KIAA1614: variants seen among roughly 807,000 people sequenced by gnomAD.
KIAA1614 encodes the protein KIAA1614, also known as uncharacterized protein KIAA1614.
Under a neutral mutation model 88.7 loss-of-function variants are expected in KIAA1614, and 76 were observed. The ratio of observed to expected loss-of-function variants is 0.86; its 90% confidence interval spans 0.71 to 1.04. The LOEUF (loss-of-function observed/expected upper bound fraction) is 1.04, where lower values mean the gene tolerates loss of function less well. KIAA1614 is among the 50% of genes least tolerant of loss of function. The probability of loss-of-function intolerance (pLI) is 0.00; values close to 1 mark genes in which losing one functional copy is unlikely to be tolerated. For missense variants in KIAA1614, 1,553 were observed against 1,582.5 expected, an observed-to-expected ratio of 0.98 and a Z score of 0.32; for synonymous variants, 714 against 675.5, an observed-to-expected ratio of 1.06 and a Z score of -0.88.
intron 3 of KIAA1614, 115 bp downstream of exon 3, chr1:180,918,029 C>A: frequency 1.2e-6 from 1 of 840,380 alleles, no homozygotes. Context: ...CAGACTCCTG[C>A]ACCAGCAGAC....
rs969339095 is a variant in KIAA1614, at chr1:180,947,036, T to C, written c.*1448T>C. On this transcript the variant is annotated 3_prime_UTR_variant, in exon 9 of 9. Transcript: ENST00000367588. ...TGGCAGGTGCTGGTATAGACAGGAGTGTGGGGAGGCTTTTCTGAGAAGATG... is the reference window on the plus strand; with the variant it reads ...TGGCAGGTGCTGGTATAGACAGGAGCGTGGGGAGGCTTTTCTGAGAAGATG... The C allele has an allele frequency of 1.3e-5, 2 of 150,206 alleles. No individual in the cohort carries two copies. Among genetic ancestry groups the C allele is most frequent in the Non-Finnish European group, 3.0e-5 (2 of 67,422 alleles). 9.3% of individuals were successfully genotyped at this position (150,206 alleles called of 1,614,324 possible).
At chr1:180,943,027 G>GTTTTTT (rs1261396134) in intron 7 of KIAA1614, among the ~76,000 whole-genome samples, 2 of 22,350 alleles carry the variant, frequency 8.9e-5, no homozygotes, top group Admixed American at 6.5e-4. Context: ...TAGTTTTTTG[G>GTTTTTT]GTTTTTTTTT....
chr1:180,920,240 A>G (rs1274642454), intron 3 of KIAA1614, among the ~76,000 whole-genome samples: 1 of 152,174 alleles, frequency 6.6e-6, no homozygotes, highest in Non-Finnish European at 1.5e-5. Flanking sequence ...CTCTCCCCGG[A>G]GCAGGATGGA....
intron 3 of KIAA1614, among the ~76,000 whole-genome samples, chr1:180,924,296 C>T (rs1461157736): frequency 1.3e-5 from 2 of 152,224 alleles, no homozygotes; most frequent in Admixed American, 6.5e-5. Flanking sequence ...GCCACTGGTC[C>T]CCCATCGGAG....
chr1:180,916,866 G>A lies in KIAA1614; in HGVS notation c.763G>A (p.Asp255Asn), dbSNP rs754618969. Residue 255 changes from aspartate (D) to asparagine (N), a missense_variant, in exon 2 of 9, where the codon GAT (aspartate) becomes AAT (asparagine). By Grantham distance (23) the Asp-to-Asn change is conservative. Transcript: ENST00000367588. ...TGGCGTGGTGACAGAGGCAGATCTGGATAGCACATCCCTGACCTCCGAGGA... is the reference window on the plus strand; with the variant it reads ...TGGCGTGGTGACAGAGGCAGATCTGAATAGCACATCCCTGACCTCCGAGGA... ...PDGVVTEADLDSTSLTSEEVF... is the reference protein window; with the variant it reads ...PDGVVTEADLNSTSLTSEEVF... The A allele has an allele frequency of 1.9e-6, 3 of 1,614,246 alleles. No homozygotes were observed. The South Asian group carries it at 3.3e-5, about 18-fold the overall frequency.
rs1244294419 is a variant in KIAA1614 at position 180,916,338 on chromosome 1, G to A, written c.235G>A (p.Gly79Ser). 6.2e-7 allele frequency: 1 copy of A among 1,614,124 alleles called. No homozygotes were observed. The highest frequency in any genetic ancestry group is 1.1e-5 in the South Asian group (1 of 91,080). ...CAGGGTATGGGGAGTACAGCTCCAGGGCCCCTCTGTGCTGGAATCCAAGGT... is the reference window on the plus strand; with the variant it reads ...CAGGGTATGGGGAGTACAGCTCCAGAGCCCCTCTGTGCTGGAATCCAAGGT... Reference protein sequence around the residue: ...PPRVWGVQLQGPSVLESKVRA... With the variant: ...PPRVWGVQLQSPSVLESKVRA... The change falls in exon 2 of 9, where the codon GGC becomes AGC. Residue 79 changes from glycine to serine, a missense_variant. Coordinates refer to ENST00000367588, the MANE Select transcript of KIAA1614 (RefSeq NM_020950.2).
chr1:180,938,702 T>G lies in KIAA1614; in HGVS notation c.2909T>G (p.Val970Gly), dbSNP rs1478766359. 1.9e-6 allele frequency: 3 copies of G among 1,613,726 alleles called. No homozygotes were observed. Among genetic ancestry groups the G allele is most frequent in the Admixed American group, 3.3e-5 (2 of 59,970 alleles). Residue 970 changes from valine (V) to glycine (G), a missense_variant, in exon 6 of 9, where the codon GTG (valine) becomes GGG (glycine). Transcript: ENST00000367588. ...QRTGSGSGGH[V>G]LSRASAGAGT... is the part of the protein sequence containing the mutation. ...ACAGGGTCAGGATCTGGAGGACATG[T>G]GCTGTCAAGGTGAGTGACAGGAGAA... is the stretch of plus-strand genomic sequence containing the variant.
chr1:180,941,586 G>A (rs532041338), intron 7 of KIAA1614, among the ~76,000 whole-genome samples: 4 of 152,124 alleles, frequency 2.6e-5, no homozygotes, highest in Non-Finnish European at 5.9e-5. Flanking sequence ...ACAGCCTGAT[G>A]GTTCTGGAAA....
At chr1:180,936,783 A>C in intron 5 of KIAA1614, 113 bp downstream of exon 5, 4 of 672,852 alleles carry the variant, frequency 5.9e-6, no homozygotes, top group Admixed American at 3.4e-5. Flanking sequence ...TTTTATCTCA[A>C]TAGTCAGATG....
chr1:180,936,003 A>G lies in KIAA1614; in HGVS notation c.2094A>G (p.Glu698=). Residue 698 remains glutamate, a synonymous_variant, in exon 5 of 9, where the codon GAA becomes GAG. Coordinates refer to ENST00000367588, the MANE Select transcript of KIAA1614 (RefSeq NM_020950.2). ...AAGAGGGCAGAGGACACACGCCTGA[A>G]GGAACTCTATTTTTGAGAGAAGATG... The part of the protein sequence containing the change: ...EVKEGRGHTP[E]GTLFLREDAK... The G allele has an allele frequency of 1.2e-6, 2 of 1,614,074 alleles. No individual in the cohort carries two copies. The highest frequency in any genetic ancestry group is 4.5e-5 in the East Asian group (2 of 44,884).
chr1:180,928,979 G>A (rs115752298), intron 4 of KIAA1614, among the ~76,000 whole-genome samples: 3,884 of 152,346 alleles, frequency 0.025, 54 homozygotes, highest in Non-Finnish European at 0.035. Flanking sequence ...GAGGCTTGAC[G>A]GAAGTATAGA....
At position 180,944,432 on chromosome 1, in the gene KIAA1614, A is replaced by C. The variant is rs1571303107; in HGVS notation, c.3203A>C (p.Asn1068Thr). The change falls in exon 8 of 9, where the codon AAC becomes ACC. Residue 1068 changes from asparagine to threonine, a missense_variant. By Grantham distance (65) the Asn-to-Thr change is moderately conservative. Coordinates refer to ENST00000367588, the MANE Select transcript of KIAA1614 (RefSeq NM_020950.2). ...CGTCGGAAAGCTGCCTCTTTTCAGA[A>C]CCTCCATTCTCTGCTGAGCAGCAAG... ...HQRRKAASFQ[N>T]LHSLLSSKGN... 5.6e-6 allele frequency: 9 copies of C among 1,613,756 alleles called. No homozygotes were observed. Among genetic ancestry groups the C allele is most frequent in the Non-Finnish European group, 6.8e-6 (8 of 1,179,842 alleles).
Position 180,916,412 on chromosome 1 carries a change from C to G in KIAA1614, c.309C>G (p.Pro103=), listed in dbSNP as rs1233407868. 4 of 1,614,096 alleles carry G rather than the reference C, an allele frequency of 2.5e-6. No homozygotes were observed. Among genetic ancestry groups the G allele is most frequent in the African/African-American group, 2.7e-5 (2 of 74,924 alleles). The change falls in exon 2 of 9, where the codon CCC becomes CCG. Residue 103 remains proline (P), a synonymous_variant. Coordinates refer to ENST00000367588, the MANE Select transcript of KIAA1614 (RefSeq NM_020950.2). The part of the protein sequence containing the change: ...KMTVAKQGVS[P]CSASQEWSSP... ...CAGTGGCCAAACAGGGAGTGAGTCC[C>G]TGCTCTGCTTCCCAAGAGTGGTCAT...
chr1:180,926,993 T>G (rs1654084004), intron 3 of KIAA1614, among the ~76,000 whole-genome samples: 1 of 152,188 alleles, frequency 6.6e-6, no homozygotes, highest in Non-Finnish European at 1.5e-5. Flanking sequence ...AGTCTCCTCC[T>G]GCTCCCCAGC....
At position 180,944,480 on chromosome 1, in the gene KIAA1614, TGGTAG is replaced by T. The variant is rs1654541047; in HGVS notation, c.3252_3256del (p.Val1085ArgfsTer87). On this transcript the variant is annotated frameshift_variant, in exon 8 of 9. Transcript: ENST00000367588. LOFTEE classifies it low-confidence loss of function (END_TRUNC). ...AAGGGGAACCGGTCCAGCCTCTACC[TGGTAG>T]CAGGGCCAGGGGACCACAGTGCAGC... 1 of 1,613,672 alleles carries T rather than the reference TGGTAG, an allele frequency of 6.2e-7. No individual in the cohort carries two copies. Among genetic ancestry groups the T allele is most frequent in the African/African-American group, 1.3e-5 (1 of 74,896 alleles).
rs774484186 is a variant in KIAA1614 at position 180,916,264 on chromosome 1, C to A, written c.161C>A (p.Pro54His). The change falls in exon 2 of 9, where the codon CCT (proline) becomes CAT (histidine). Residue 54 changes from proline (P) to histidine (H), a missense_variant. By Grantham distance (77) the Pro-to-His change is moderately conservative. Coordinates refer to ENST00000367588, the MANE Select transcript of KIAA1614 (RefSeq NM_020950.2). ...LDNGHPPRPWPCPQENRTSSL... is the reference protein window; with the variant it reads ...LDNGHPPRPWHCPQENRTSSL... ...AACGGACACCCCCCAAGACCCTGGC[C>A]TTGCCCTCAGGAAAACAGAACATCC... 3 of 1,613,684 alleles carry A rather than the reference C, an allele frequency of 1.9e-6. No individual in the cohort carries two copies. The highest frequency in any genetic ancestry group is 2.5e-6 in the Non-Finnish European group (3 of 1,179,972).
chr1:180,925,433 G>A (rs1307403874), intron 3 of KIAA1614, among the ~76,000 whole-genome samples: 2 of 152,214 alleles, frequency 1.3e-5, no homozygotes, highest in Non-Finnish European at 2.9e-5. Flanking sequence ...CTGGAATCTG[G>A]GAAGCGGCAG....
chr1:180,918,374 C>A (rs1479375478), intron 3 of KIAA1614, among the ~76,000 whole-genome samples: 1 of 152,216 alleles, frequency 6.6e-6, no homozygotes, highest in African/African-American at 2.4e-5. Flanking sequence ...TCAAAGATTT[C>A]ACCTCCAACC....
intron 4 of KIAA1614, among the ~76,000 whole-genome samples, chr1:180,931,428 C>T (rs1417110440): frequency 2.6e-5 from 4 of 152,210 alleles, no homozygotes; most frequent in South Asian, 2.1e-4. Context: ...AGGACTGCAG[C>T]GGGATCCTCC....
Sources: gnomAD v4.1 joint callset for allele counts (sites outside exome capture counted in the v4.1 genomes callset) on GRCh38, gnomAD v4.1.1 for gene constraint, MANE v1.5 for transcripts, NCBI Gene and HGNC (gene_info 2026-07-23, HGNC 2026-07-21) for gene names.